Variants in ZMAT4 observed in about 807,000 individuals in gnomAD.
ZMAT4 encodes zinc finger matrin-type protein 4.
A neutral mutation model predicts 28.7 loss-of-function variants in ZMAT4; 17 were observed. The ratio of observed to expected loss-of-function variants is 0.59; its 90% CI spans 0.41 to 0.89. ZMAT4 has a LOEUF of 0.89. Among genes scored for constraint, ZMAT4 ranks in the 40% least tolerant of loss-of-function variants. ZMAT4 has a pLI of 0.00. For missense variants in ZMAT4, 240 were observed against 283.8 expected, an observed-to-expected ratio of 0.85 and a Z score of 1.11; for synonymous variants, 117 against 109.2, an observed-to-expected ratio of 1.07 and a Z score of -0.44.
At chr8:40,797,396 G>C (rs1814645841) in intron 2 of ZMAT4, among the ~76,000 whole-genome samples, 1 of 152,192 alleles carries the variant, frequency 6.6e-6, no homozygotes, top group African/African-American at 2.4e-5. Context: ...CTGCGTGCTG[G>C]GCCCCAGGCT....
chr8:40,750,768 C>G (rs1287656463), intron 3 of ZMAT4, among the ~76,000 whole-genome samples: 1 of 152,200 alleles, frequency 6.6e-6, no homozygotes, highest in Non-Finnish European at 1.5e-5. Context: ...GGCCATCAGA[C>G]CATGTCTGGA....
chr8:40,541,420 T>A lies in ZMAT4; in HGVS notation c.675-9182A>T, dbSNP rs895186685. 5.9e-5 allele frequency among the ~76,000 whole-genome samples: 9 copies of A among 152,138 alleles called. 1 individual carries two copies. Among genetic ancestry groups the A allele is most frequent in the African/African-American group, 2.2e-4 (9 of 41,430 alleles). On this transcript the variant is annotated intron_variant, in intron 6 of 6. Coordinates refer to ENST00000297737, the MANE Select transcript of ZMAT4 (RefSeq NM_024645.3). ...ACAATTCTCCCCTCAACAAAGGGTA[T>A]AATGGTCTAGTCTACACTGCCCACT...
At chr8:40,798,151 C>A (rs548480584) in intron 2 of ZMAT4, among the ~76,000 whole-genome samples, 1 of 152,302 alleles carries the variant, frequency 6.6e-6, no homozygotes, top group South Asian at 2.1e-4. Context: ...CTGGCTTTTT[C>A]CTGCATCTCC....
intron 6 of ZMAT4, among the ~76,000 whole-genome samples, chr8:40,551,376 A>G (rs889690535): frequency 1.3e-5 from 2 of 152,180 alleles, no homozygotes; most frequent in Non-Finnish European, 2.9e-5. Context: ...AGTAAGGATC[A>G]TGAGAAAGAT....
At chr8:40,847,363 A>G (rs1300517388) in intron 1 of ZMAT4, among the ~76,000 whole-genome samples, 1 of 152,212 alleles carries the variant, frequency 6.6e-6, no homozygotes, top group Non-Finnish European at 1.5e-5. Context: ...CGTGTTACCC[A>G]GGAAAGCGCT....
chr8:40,716,206 C>A (rs377524832), intron 3 of ZMAT4, among the ~76,000 whole-genome samples: 1 of 152,136 alleles, frequency 6.6e-6, no homozygotes, highest in Admixed American at 6.5e-5. Flanking sequence ...ATGTGGTACC[C>A]GGATTTGCAG....
rs537838592 is a variant in ZMAT4 at position 40,733,055 on chromosome 8, G to C, written c.192+34586C>G. 4.6e-5 allele frequency among the ~76,000 whole-genome samples: 7 copies of C among 151,936 alleles called. No homozygotes were observed. The East Asian group carries it at 1.4e-3, about 30-fold the overall frequency. On this transcript the variant is annotated intron_variant, in intron 3 of 6. Coordinates refer to ENST00000297737, the MANE Select transcript of ZMAT4 (RefSeq NM_024645.3). The stretch of plus-strand genomic sequence containing the variant: ...CTTAGAGGTCTTGCTATGTTGCCCA[G>C]GCTGGTCTTGAAATCCTGGCCTCAA...
At chr8:40,799,225 G>GGATGGATGGATA (rs377302493) in intron 2 of ZMAT4, among the ~76,000 whole-genome samples, 60,611 of 150,324 alleles carry the variant, frequency 0.4, 13,061 homozygotes, top group Middle Eastern at 0.54. Flanking sequence ...ATGGATGGAT[G>GGATGGATGGATA]GATAGATAGA....
chr8:40,725,736 A>C (rs1811291734), intron 3 of ZMAT4, among the ~76,000 whole-genome samples: 2 of 152,068 alleles, frequency 1.3e-5, no homozygotes, highest in African/African-American at 4.8e-5. Flanking sequence ...GTGCCACTGC[A>C]CTCCAGCCTG....
At chr8:40,845,811 A>AG (rs1816870348) in intron 1 of ZMAT4, among the ~76,000 whole-genome samples, 1 of 52,544 alleles carries the variant, frequency 1.9e-5, no homozygotes, top group Non-Finnish European at 7.0e-5. Flanking sequence ...AGAGAGACTA[A>AG]GGGTGGAGGG....
chr8:40,878,260 GT>G (rs1388917938), intron 1 of ZMAT4, among the ~76,000 whole-genome samples: 1 of 152,136 alleles, frequency 6.6e-6, no homozygotes, highest in Non-Finnish European at 1.5e-5. Flanking sequence ...GCCAAAACCT[GT>G]CCCCCCAGTC....
chr8:40,682,962 T>C (rs1809240713), intron 4 of ZMAT4, among the ~76,000 whole-genome samples: 1 of 152,198 alleles, frequency 6.6e-6, no homozygotes, highest in Non-Finnish European at 1.5e-5. Context: ...CTTGTGTTGC[T>C]TGGCAAAAGA....
intron 2 of ZMAT4, among the ~76,000 whole-genome samples, chr8:40,787,110 G>A (rs994755420): frequency 3.3e-5 from 5 of 152,120 alleles, no homozygotes; most frequent in Admixed American, 6.5e-5. Context: ...TTAACACTCC[G>A]TATTCATTAT....
rs1804068056 is a variant in ZMAT4, at chr8:40,570,664, C to T, written c.674+10501G>A. On this transcript the variant is annotated intron_variant, in intron 6 of 6. Coordinates refer to ENST00000297737, the MANE Select transcript of ZMAT4 (RefSeq NM_024645.3). ...GCAGTGAGCTGAGATGGAACCACTG[C>T]ACTCTAGCCTGGGCAACAGAGAGCA... Among the ~76,000 whole-genome samples, 3 of 152,128 alleles carry T rather than the reference C, an allele frequency of 2.0e-5. No individual in the cohort carries two copies. The South Asian group carries it at 6.2e-4, about 32-fold the overall frequency.
intron 1 of ZMAT4, among the ~76,000 whole-genome samples, chr8:40,881,381 C>T (rs1818215307): frequency 6.9e-6 from 1 of 145,374 alleles, no homozygotes; most frequent in Non-Finnish European, 1.5e-5. Flanking sequence ...GAGCAAGACT[C>T]TGTCAAAAGA....
chr8:40,894,732 G>A (rs1215385615), intron 1 of ZMAT4, among the ~76,000 whole-genome samples: 1 of 151,418 alleles, frequency 6.6e-6, no homozygotes, highest in African/African-American at 2.4e-5. Flanking sequence ...CAAATCTCCA[G>A]ACACACCTTC....
chr8:40,594,209 CCT>C (rs1441343383), intron 5 of ZMAT4, among the ~76,000 whole-genome samples: 2 of 152,118 alleles, frequency 1.3e-5, no homozygotes, highest in African/African-American at 4.8e-5. Context: ...CATGACGGGG[CCT>C]CCCAGTTTAA....
chr8:40,719,612 C>G (rs1810997196), intron 3 of ZMAT4, among the ~76,000 whole-genome samples: 1 of 152,086 alleles, frequency 6.6e-6, no homozygotes, highest in Non-Finnish European at 1.5e-5. Flanking sequence ...CGGAGTCACC[C>G]AGGCTGGAGT....
At chr8:40,718,053 C>G (rs1810928804) in intron 3 of ZMAT4, among the ~76,000 whole-genome samples, 1 of 152,176 alleles carries the variant, frequency 6.6e-6, no homozygotes, top group Admixed American at 6.5e-5. Context: ...TTTTCTGTTT[C>G]AGGATCCAAT....
Sources: allele counts gnomAD v4.1 joint callset (sites outside exome capture counted in the v4.1 genomes callset), GRCh38; gene constraint gnomAD v4.1.1; transcripts MANE v1.5; gene names NCBI Gene and HGNC (gene_info 2026-07-23, HGNC 2026-07-21).